TFAM: variants seen among roughly 807,000 people sequenced by gnomAD.
TFAM encodes the protein mitochondrial transcription factor 1.
TFAM carries 13 observed loss-of-function variants against 30.6 expected under a neutral mutation model. The observed-to-expected ratio is 0.42, with a 90% CI of 0.28 to 0.67. The LOEUF is 0.67. TFAM is among the 30% of genes least tolerant of loss of function. The pLI, the probability that TFAM is intolerant of heterozygous loss-of-function variation, is 0.21. For missense variants in TFAM, 231 were observed against 293.7 expected (o/e 0.79, Z 1.56); for synonymous variants, 106 against 94.8 (o/e 1.12, Z -0.69).
chr10:58,393,429 T>C (rs1244565055), intron 5 of TFAM, among the ~76,000 whole-genome samples: 1 of 152,238 alleles, frequency 6.6e-6, no homozygotes, highest in Non-Finnish European at 1.5e-5. Context: ...ACTGTCAGTT[T>C]AACAATTAGC....
At position 58,386,346 on chromosome 10, in the gene TFAM, G is replaced by GT. The variant is rs556182803; in HGVS notation, c.220+12dup. The GT allele has an allele frequency of 3.0e-5, 47 of 1,583,138 alleles. No individual in the cohort carries two copies. In the East Asian group the frequency reaches 7.4e-4, roughly 25 times the overall value. On this transcript the variant is annotated intron_variant, in intron 2 of 6. Coordinates refer to ENST00000487519, the MANE Select transcript of TFAM (RefSeq NM_003201.3). ...TTAAAGCTCAGAACCCAGGTAAGGA[G>GT]TTTTGGGGCATATACCCTTTTCTCA...
At chr10:58,393,162 G>T (rs1840626437) in intron 5 of TFAM, among the ~76,000 whole-genome samples, 1 of 151,616 alleles carries the variant, frequency 6.6e-6, no homozygotes. Flanking sequence ...TATATTTTTA[G>T]TAGAGATGGG....
At position 58,395,194 on chromosome 10, in the gene TFAM, T is replaced by C; in HGVS notation, c.*120T>C. 9.6e-7 allele frequency: 1 copy of C among 1,040,330 alleles called. No individual in the cohort carries two copies. The highest frequency in any genetic ancestry group is 1.6e-5 in the African/African-American group (1 of 62,914). 64.4% of individuals were successfully genotyped at this position (1,040,330 alleles called of 1,614,324 possible). On this transcript the variant is annotated 3_prime_UTR_variant, in exon 7 of 7. Transcript: ENST00000487519. ...GTTGGTAAACCTTTTATATTTAGTA[T>C]CTTTTTATTCAGCTCATGGACTTCT... is the stretch of plus-strand genomic sequence containing the variant.
At chr10:58,391,760 T>TAATTAATTAAATAAATTTAATTAA (rs1426797609) in intron 5 of TFAM, among the ~76,000 whole-genome samples, 1 of 151,820 alleles carries the variant, frequency 6.6e-6, no homozygotes, top group Non-Finnish European at 1.5e-5. Flanking sequence ...AATTGTGGTC[T>TAATTAATTAAATAAATTTAATTAA]TTGCCATTAA....
chr10:58,392,385 T>C (rs1215593583), intron 5 of TFAM, among the ~76,000 whole-genome samples: 2 of 152,176 alleles, frequency 1.3e-5, no homozygotes, highest in African/African-American at 4.8e-5. Flanking sequence ...AAATGTGATC[T>C]GGTGCTTTTT....
rs1320865047 is a variant in TFAM, at chr10:58,395,320, G to A, written c.*246G>A. ...GGATCAGAGTAATCCAAGCAAATGT[G>A]AATCATTTTACCTTTGACAAAGGTA... On this transcript the variant is annotated 3_prime_UTR_variant, in exon 7 of 7. Transcript: ENST00000487519. The A allele has an allele frequency of 1.1e-5, 5 of 467,770 alleles. No individual in the cohort carries two copies. The highest frequency in any genetic ancestry group is 1.9e-5 in the Non-Finnish European group (5 of 259,994). 29.0% of individuals were successfully genotyped at this position (467,770 alleles called of 1,614,324 possible).
rs977387958 is a variant in TFAM at position 58,397,223 on chromosome 10, TAG to T, written c.*2152_*2153del. 1.3e-5 allele frequency: 2 copies of T among 152,178 alleles called. No homozygotes were observed. Among genetic ancestry groups the T allele is most frequent in the African/African-American group, 4.8e-5 (2 of 41,440 alleles). 9.4% of individuals were successfully genotyped at this position (152,178 alleles called of 1,614,324 possible). A position where few individuals can be genotyped will look rare whatever the true frequency, so the allele number is the denominator to read the frequency against. ...AATGAGGGGTATGTAATGATTGAGA[TAG>T]AGGAATGAGTTACATAAACATCTCG... is the stretch of plus-strand genomic sequence containing the variant. On this transcript the variant is annotated 3_prime_UTR_variant, in exon 7 of 7. Coordinates refer to ENST00000487519, the MANE Select transcript of TFAM (RefSeq NM_003201.3).
At chr10:58,385,673 G>A (rs1467528749) in intron 1 of TFAM, 25 bp downstream of exon 1, 2 of 1,518,462 alleles carry the variant, frequency 1.3e-6, no homozygotes, top group Non-Finnish European at 1.8e-6. Context: ...CTGTGCCCTA[G>A]GGGCAGCAGG....
At position 58,395,084 on chromosome 10, in the gene TFAM, A is replaced by G; in HGVS notation, c.*10A>G. ...TGCTGAGGAGTGTTAAAAGTAGAAG[A>G]TTGAGATGTGTTCACAATGGATAGG... On this transcript the variant is annotated 3_prime_UTR_variant, in exon 7 of 7. Coordinates refer to ENST00000487519, the MANE Select transcript of TFAM (RefSeq NM_003201.3). 1 of 1,613,062 alleles carries G rather than the reference A, an allele frequency of 6.2e-7. No individual in the cohort carries two copies. The highest frequency in any genetic ancestry group is 1.3e-5 in the African/African-American group (1 of 75,014).
intron 5 of TFAM, among the ~76,000 whole-genome samples, chr10:58,393,293 AAC>A (rs1233281886): frequency 1.3e-5 from 2 of 152,118 alleles, no homozygotes; most frequent in African/African-American, 4.8e-5. Flanking sequence ...TCTCTTTTTA[AAC>A]AGTCTTTCAG....
At chr10:58,390,970 CT>C in intron 5 of TFAM, 110 bp downstream of exon 5, 1 of 997,860 alleles carries the variant, frequency 1.0e-6, no homozygotes, top group Non-Finnish European at 1.5e-6. Flanking sequence ...AGACAGTAAA[CT>C]CTTTTGCTAA....
In TFAM at chr10:58,385,574, C is replaced by A. The variant is rs1209578330; in HGVS notation, c.27C>A (p.Gly9=). 16 of 1,570,182 alleles carry A rather than the reference C, an allele frequency of 1.0e-5. No homozygotes were observed. The highest frequency in any genetic ancestry group is 2.3e-5 in the South Asian group (2 of 85,222). Residue 9 remains glycine, a synonymous_variant, in exon 1 of 7, where the codon GGC becomes GGA. Coordinates refer to ENST00000487519, the MANE Select transcript of TFAM (RefSeq NM_003201.3). MAFLRSMW[G]VLSALGRSGA... is the part of the protein sequence containing the mutation. ...TGGCGTTTCTCCGAAGCATGTGGGG[C>A]GTGCTGAGTGCCCTGGGAAGGTCTG...
At chr10:58,390,043 G>C (rs1840562561) in intron 4 of TFAM, among the ~76,000 whole-genome samples, 1 of 152,212 alleles carries the variant, frequency 6.6e-6, no homozygotes. Flanking sequence ...GTGACTGAGA[G>C]ATTCAGGAAG....
intron 5 of TFAM, among the ~76,000 whole-genome samples, chr10:58,393,920 T>C (rs578069621): frequency 0.036 from 5,444 of 151,812 alleles, 168 homozygotes; most frequent in African/African-American, 0.076. Context: ...ATTCTATCCC[T>C]TTAATTTTAT....
At position 58,395,580 on chromosome 10, in the gene TFAM, G is replaced by T. The variant is rs1840667598; in HGVS notation, c.*506G>T. The T allele has an allele frequency of 4.1e-6, 1 of 241,116 alleles. No individual in the cohort carries two copies. Among genetic ancestry groups the T allele is most frequent in the Admixed American group, 5.5e-5 (1 of 18,106 alleles). 14.9% of individuals were successfully genotyped at this position (241,116 alleles called of 1,614,324 possible). On this transcript the variant is annotated 3_prime_UTR_variant, in exon 7 of 7. Coordinates refer to ENST00000487519, the MANE Select transcript of TFAM (RefSeq NM_003201.3). ...TCAGAGTTGATGGTTGTACATATAA[G>T]TGATTGCTGGTTTTAGTTGCAACTT...
At chr10:58,390,157 T>C (rs1309685371) in intron 4 of TFAM, among the ~76,000 whole-genome samples, 1 of 152,214 alleles carries the variant, frequency 6.6e-6, no homozygotes, top group Non-Finnish European at 1.5e-5. Context: ...TTTTGTAAAT[T>C]ACAGGTACTA....
At position 58,395,120 on chromosome 10, in the gene TFAM, C is replaced by T; in HGVS notation, c.*46C>T. ...TTCACAATGGATAGGCACAGGAAACCAGTTAGGTCTCAATACCTGAAGCTA... is the reference window on the plus strand; with the variant it reads ...TTCACAATGGATAGGCACAGGAAACTAGTTAGGTCTCAATACCTGAAGCTA... On this transcript the variant is annotated 3_prime_UTR_variant, in exon 7 of 7. Coordinates refer to ENST00000487519, the MANE Select transcript of TFAM (RefSeq NM_003201.3). 5.0e-6 allele frequency: 8 copies of T among 1,594,540 alleles called. No individual in the cohort carries two copies. The highest frequency in any genetic ancestry group is 6.9e-6 in the Non-Finnish European group (8 of 1,163,788).
At chr10:58,394,310 A>G (rs748532379) in intron 5 of TFAM, 48 bp from the exon 6 acceptor site, 20 of 1,354,064 alleles carry the variant, frequency 1.5e-5, no homozygotes, top group Admixed American at 1.0e-4. Context: ...AATAAAGGTC[A>G]CTGAAGTCCC....
At chr10:58,394,803 A>G in intron 6 of TFAM, 125 bp from the exon 7 acceptor site, 1 of 926,828 alleles carries the variant, frequency 1.1e-6, no homozygotes, top group South Asian at 1.6e-5. Context: ...GCCTTTATAC[A>G]TGTAGAATGG....
Sources: allele counts gnomAD v4.1 joint callset (sites outside exome capture counted in the v4.1 genomes callset), GRCh38; gene constraint gnomAD v4.1.1; transcripts MANE v1.5; gene names NCBI Gene and HGNC (gene_info 2026-07-23, HGNC 2026-07-21).